The following KIAA1217 variants were observed in gnomAD, a reference collection of about 807,000 sequenced individuals.
The protein encoded by KIAA1217 is KIAA1217.
KIAA1217 carries 88 observed loss-of-function variants against 163.9 expected under a neutral mutation model. That is an observed-to-expected ratio of 0.54 (90% CI 0.45 to 0.64). The LOEUF is 0.64. Ranked by LOEUF, KIAA1217 falls within the 30% of genes least tolerant of loss-of-function variation. KIAA1217 has a pLI of 0.00. For synonymous variants in KIAA1217, 903 were observed against 923.1 expected (o/e 0.98, Z 0.39); for missense variants, 2,372 against 2,475.0 (o/e 0.96, Z 0.88).
intron 1 of KIAA1217, among the ~76,000 whole-genome samples, chr10:23,712,720 T>C (rs7917397): frequency 0.02 from 3,024 of 152,248 alleles, 112 homozygotes; most frequent in African/African-American, 0.068. Flanking sequence ...AGTGTTATCA[T>C]GCCATTAGTT....
chr10:24,402,532 A>AC (rs1240096301), intron 3 of KIAA1217, among the ~76,000 whole-genome samples: 6 of 128,294 alleles, frequency 4.7e-5, no homozygotes, highest in Non-Finnish European at 7.1e-5. Flanking sequence ...ACAAAACAAA[A>AC]AAAAAAAAAA....
chr10:24,029,255 G>A (rs1848093808), intron 2 of KIAA1217, among the ~76,000 whole-genome samples: 1 of 152,080 alleles, frequency 6.6e-6, no homozygotes, highest in Non-Finnish European at 1.5e-5. Flanking sequence ...TCTGAAAGGA[G>A]GAGGAACATC....
chr10:23,900,608 A>G (rs1341880035), intron 1 of KIAA1217, among the ~76,000 whole-genome samples: 1 of 152,136 alleles, frequency 6.6e-6, no homozygotes, highest in Admixed American at 6.5e-5. Context: ...CTCATATTAT[A>G]GGACTTATAT....
In KIAA1217 at chr10:24,545,956, A is replaced by G. The variant is rs758905081; in HGVS notation, c.5464A>G (p.Ser1822Gly). The G allele has an allele frequency of 6.2e-7, 1 of 1,614,048 alleles. No homozygotes were observed. The highest frequency in any genetic ancestry group is 1.6e-4 in the Middle Eastern group (1 of 6,062). ...SSSLPSSSGD[S>G]SNLPNPPATK... is the part of the protein sequence containing the mutation. Reference sequence around the variant, plus strand: ...TTCTCTGCCCTCTTCTAGTGGTGACAGCTCTAACCTCCCTAATCCACCTGC... The same window carrying G: ...TTCTCTGCCCTCTTCTAGTGGTGACGGCTCTAACCTCCCTAATCCACCTGC... Residue 1822 changes from serine (S) to glycine (G), a missense_variant, in exon 21 of 21, where the codon AGC becomes GGC. Physicochemically the swap from Ser to Gly is moderately conservative, Grantham distance 56. Coordinates refer to ENST00000376454, the MANE Select transcript of KIAA1217 (RefSeq NM_019590.5).
chr10:23,954,287 G>A (rs770666565), intron 1 of KIAA1217, among the ~76,000 whole-genome samples: 8 of 152,086 alleles, frequency 5.3e-5, no homozygotes, highest in African/African-American at 9.7e-5. Context: ...AAAGGGGGCC[G>A]GGCATGGTGG....
Position 24,226,628 on chromosome 10 carries a change from C to T in KIAA1217, c.354+6719C>T, listed in dbSNP as rs192357987. 3.7e-4 allele frequency among the ~76,000 whole-genome samples: 56 copies of T among 151,186 alleles called. No homozygotes were observed. The East Asian group carries it at 9.7e-3, about 26-fold the overall frequency. ...CTGCACTCCAGCCTGGGTGACAGAG[C>T]GAGACTCCATCTCAAAAAAAAAATA... On this transcript the variant is annotated intron_variant, in intron 2 of 20. Transcript: ENST00000376454.
At chr10:23,704,864 T>C (rs1836781121) in intron 1 of KIAA1217, among the ~76,000 whole-genome samples, 1 of 152,088 alleles carries the variant, frequency 6.6e-6, no homozygotes, top group African/African-American at 2.4e-5. Context: ...ATGTTTAGCA[T>C]TTTAAAGAAC....
At chr10:23,774,050 G>T (rs1217677599) in intron 1 of KIAA1217, among the ~76,000 whole-genome samples, 1 of 152,146 alleles carries the variant, frequency 6.6e-6, no homozygotes, top group Non-Finnish European at 1.5e-5. Context: ...TTTTGAAAGG[G>T]AATGCTTCCA....
At chr10:24,383,990 A>C (rs2130566842) in intron 3 of KIAA1217, among the ~76,000 whole-genome samples, 1 of 152,326 alleles carries the variant, frequency 6.6e-6, no homozygotes, top group African/African-American at 2.4e-5. Context: ...ACACAGACGC[A>C]CGGGTTCCTG....
At chr10:24,012,762 G>A (rs1273619577) in intron 2 of KIAA1217, among the ~76,000 whole-genome samples, 1 of 152,090 alleles carries the variant, frequency 6.6e-6, no homozygotes, top group East Asian at 1.9e-4. Flanking sequence ...GAGAAGTCAA[G>A]GTTGTTTCTT....
chr10:24,119,325 T>A (rs1214603218), intron 2 of KIAA1217, among the ~76,000 whole-genome samples: 1 of 152,230 alleles, frequency 6.6e-6, no homozygotes, highest in Non-Finnish European at 1.5e-5. Flanking sequence ...TGTCGACTTC[T>A]CTGGAATATT....
At chr10:24,253,779 G>T (rs1007845614) in intron 2 of KIAA1217, among the ~76,000 whole-genome samples, 1 of 151,812 alleles carries the variant, frequency 6.6e-6, no homozygotes, top group Non-Finnish European at 1.5e-5. Flanking sequence ...TCCAGGCATA[G>T]TGGTACTCAC....
chr10:23,764,613 C>T (rs1419509106), intron 1 of KIAA1217, among the ~76,000 whole-genome samples: 2 of 152,068 alleles, frequency 1.3e-5, no homozygotes, highest in African/African-American at 4.8e-5. Context: ...ACTATGCAGC[C>T]ATAAAAAAGA....
intron 2 of KIAA1217, among the ~76,000 whole-genome samples, chr10:24,094,874 T>C (rs1046146965): frequency 6.6e-6 from 1 of 152,218 alleles, no homozygotes; most frequent in African/African-American, 2.4e-5. Flanking sequence ...TCTTGAGCTG[T>C]GGTGGGCTCC....
chr10:24,361,176 T>TC (rs1283670180), intron 2 of KIAA1217, among the ~76,000 whole-genome samples: 1 of 151,732 alleles, frequency 6.6e-6, no homozygotes, highest in African/African-American at 2.4e-5. Context: ...TGCCATTTTT[T>TC]TTTCTTATTT....
At chr10:24,345,287 C>T (rs561223636) in intron 2 of KIAA1217, among the ~76,000 whole-genome samples, 7 of 152,322 alleles carry the variant, frequency 4.6e-5, no homozygotes, top group South Asian at 4.1e-4. Flanking sequence ...CTTGAGTTCC[C>T]CTCCGCATGG....
At chr10:24,423,180 G>T (rs1386704446) in intron 3 of KIAA1217, among the ~76,000 whole-genome samples, 2 of 151,948 alleles carry the variant, frequency 1.3e-5, no homozygotes, top group East Asian at 3.9e-4. Context: ...GCCTCCCAAG[G>T]TGCTGGGATT....
intron 2 of KIAA1217, among the ~76,000 whole-genome samples, chr10:24,016,258 C>A (rs1464067417): frequency 6.6e-6 from 1 of 152,052 alleles, no homozygotes; most frequent in East Asian, 1.9e-4. Context: ...TTAAAGAATT[C>A]AGTTCTTCTC....
At chr10:23,704,164 G>GTATATATATATATA (rs1353063268) in intron 1 of KIAA1217, among the ~76,000 whole-genome samples, 1 of 80,590 alleles carries the variant, frequency 1.2e-5, no homozygotes, top group African/African-American at 5.9e-5. Flanking sequence ...GTGTGTGTGT[G>GTATATATATATATA]TGTGTGTGTA....
Sources: gnomAD v4.1 joint callset for allele counts (sites outside exome capture counted in the v4.1 genomes callset) on GRCh38, gnomAD v4.1.1 for gene constraint, MANE v1.5 for transcripts, NCBI Gene and HGNC (gene_info 2026-07-23, HGNC 2026-07-21) for gene names.